Variants in FCF1 observed in about 807,000 individuals in gnomAD.
FCF1 encodes the protein FCF1 rRNA-processing protein.
Under a neutral mutation model 32.5 loss-of-function variants are expected in FCF1, and 17 were observed. The ratio of observed to expected loss-of-function variants is 0.52; its 90% confidence interval spans 0.36 to 0.78. The LOEUF (loss-of-function observed/expected upper bound fraction) is 0.78, where lower values mean the gene tolerates loss of function less well. Ranked by LOEUF, FCF1 falls within the 30% of genes least tolerant of loss-of-function variation. The pLI, the probability that FCF1 is intolerant of heterozygous loss-of-function variation, is 0.00. For synonymous variants in FCF1, 84 were observed against 78.4 expected (o/e 1.07, Z -0.38); for missense variants, 201 against 241.1 (o/e 0.83, Z 1.10).
intron 1 of FCF1, 46 bp downstream of exon 1, chr14:74,713,246 G>A: frequency 6.2e-6 from 10 of 1,614,134 alleles, no homozygotes; most frequent in Non-Finnish European, 7.6e-6. Flanking sequence ...GCCACTTTTT[G>A]GGTGGAGAAG....
chr14:74,717,860 T>C (rs1489847737), intron 4 of FCF1, among the ~76,000 whole-genome samples: 2 of 152,204 alleles, frequency 1.3e-5, no homozygotes, highest in African/African-American at 2.4e-5. Flanking sequence ...TTTAGTCTTA[T>C]GGCTTTCTTT....
At chr14:74,722,589 G>C (rs1160516606) in intron 4 of FCF1, among the ~76,000 whole-genome samples, 1 of 151,806 alleles carries the variant, frequency 6.6e-6, no homozygotes, top group Non-Finnish European at 1.5e-5. Context: ...TATGTGATCA[G>C]ATTTACATTA....
Position 74,719,509 on chromosome 14 carries a change from C to G in FCF1, c.292+3410C>G, listed in dbSNP as rs549885160. Among the ~76,000 whole-genome samples the G allele has an allele frequency of 5.9e-5, 9 of 151,924 alleles. No individual in the cohort carries two copies. In the South Asian group the frequency reaches 1.9e-3, roughly 32 times the overall value. On this transcript the variant is annotated intron_variant, in intron 4 of 7. Coordinates refer to ENST00000341162, the MANE Select transcript of FCF1 (RefSeq NM_015962.5). ...GGCATGGTGGCTCATGCCTGTAATC[C>G]CAACGCTTTGGGAGGCCAAGGTGGG...
chr14:74,718,236 A>T (rs895747720), intron 4 of FCF1, among the ~76,000 whole-genome samples: 1 of 152,090 alleles, frequency 6.6e-6, no homozygotes, highest in Admixed American at 6.6e-5. Context: ...TGATCTTTAC[A>T]TGGTTCCTGG....
chr14:74,726,786 G>A (rs545556623), intron 5 of FCF1, among the ~76,000 whole-genome samples: 14 of 150,728 alleles, frequency 9.3e-5, no homozygotes, highest in African/African-American at 2.9e-4. Flanking sequence ...GCCCCAGAGT[G>A]TGATGTTCCC....
At chr14:74,720,682 A>G (rs1026720790) in intron 4 of FCF1, among the ~76,000 whole-genome samples, 13 of 152,174 alleles carry the variant, frequency 8.5e-5, no homozygotes, top group African/African-American at 3.1e-4. Context: ...AGGTCTTGCT[A>G]TGTCATCCAA....
chr14:74,722,404 C>G (rs2090516918), intron 4 of FCF1, among the ~76,000 whole-genome samples: 1 of 152,112 alleles, frequency 6.6e-6, no homozygotes, highest in East Asian at 1.9e-4. Context: ...GCCACTCTTC[C>G]CAGTCTTTGG....
In FCF1 at chr14:74,734,878, T is replaced by C; in HGVS notation, c.549-4T>C. ...TACCGGTGTTGATTTTTTGTCCTGA[T>C]CAGATACAACATTGAACGGATGCCA... On this transcript the variant is annotated splice_region_variant and splice_polypyrimidine_tract_variant and intron_variant, in intron 7 of 7. Transcript: ENST00000341162. 1 of 1,613,546 alleles carries C rather than the reference T, an allele frequency of 6.2e-7. No homozygotes were observed. The highest frequency in any genetic ancestry group is 8.5e-7 in the Non-Finnish European group (1 of 1,179,524).
At position 74,735,606 on chromosome 14, in the gene FCF1, G is replaced by A. The variant is rs1442047222; in HGVS notation, c.*676G>A. ...TTTTCTTGAGATGAAGTTTTGCTCT[G>A]TCACCAGGCTGGAGTGCAGTGGCGT... On this transcript the variant is annotated 3_prime_UTR_variant, in exon 8 of 8. Transcript: ENST00000341162. 1.4e-5 allele frequency: 2 copies of A among 145,414 alleles called. No individual in the cohort carries two copies. Among genetic ancestry groups the A allele is most frequent in the Non-Finnish European group, 3.0e-5 (2 of 67,008 alleles). 9.0% of individuals were successfully genotyped at this position (145,414 alleles called of 1,614,324 possible).
In FCF1 at chr14:74,729,345, C is replaced by T. The variant is rs1353268499; in HGVS notation, c.366-3386C>T. ...TTTAGTCTTGGGAGAGTGTATGTGT[C>T]GAGGAATTTATCCATTTCTTCTAGA... is the stretch of plus-strand genomic sequence containing the variant. On this transcript the variant is annotated intron_variant, in intron 5 of 7. Coordinates refer to ENST00000341162, the MANE Select transcript of FCF1 (RefSeq NM_015962.5). 3.3e-5 allele frequency among the ~76,000 whole-genome samples: 5 copies of T among 151,918 alleles called. No homozygotes were observed. The South Asian group carries it at 6.3e-4, about 19-fold the overall frequency.
chr14:74,727,501 A>G (rs1198926175), intron 5 of FCF1, among the ~76,000 whole-genome samples: 1 of 151,986 alleles, frequency 6.6e-6, no homozygotes, highest in Non-Finnish European at 1.5e-5. Context: ...TAGATTCTGA[A>G]TATTAGCCCT....
chr14:74,733,014 C>G (rs997335488), intron 6 of FCF1, among the ~76,000 whole-genome samples, 196 bp downstream of exon 6: 6 of 152,156 alleles, frequency 3.9e-5, no homozygotes, highest in African/African-American at 7.2e-5. Flanking sequence ...AATGTACACT[C>G]TAACCATAAT....
At chr14:74,726,982 A>G (rs1458355473) in intron 5 of FCF1, among the ~76,000 whole-genome samples, 1 of 152,012 alleles carries the variant, frequency 6.6e-6, no homozygotes, top group African/African-American at 2.4e-5. Flanking sequence ...TATATGTGCC[A>G]CATTTTCTTA....
chr14:74,720,133 TA>T (rs1035408339), intron 4 of FCF1, among the ~76,000 whole-genome samples: 2 of 151,984 alleles, frequency 1.3e-5, no homozygotes, highest in African/African-American at 4.8e-5. Flanking sequence ...CTCAAAAAAA[TA>T]AAAAAAGAAA....
intron 5 of FCF1, among the ~76,000 whole-genome samples, chr14:74,728,179 A>G (rs2090596293): frequency 6.6e-6 from 1 of 152,198 alleles, no homozygotes; most frequent in South Asian, 2.1e-4. Flanking sequence ...TATTGAATCT[A>G]TAAATTACCT....
intron 5 of FCF1, among the ~76,000 whole-genome samples, chr14:74,728,377 G>A (rs972506655): frequency 1.4e-4 from 22 of 152,172 alleles, no homozygotes; most frequent in African/African-American, 5.3e-4. Flanking sequence ...TTGTGAATGG[G>A]AGTTCACTCA....
chr14:74,715,862 A>G lies in FCF1; in HGVS notation c.144-89A>G, dbSNP rs747547326. 3.1e-6 allele frequency: 5 copies of G among 1,611,020 alleles called. No individual in the cohort carries two copies. In the South Asian group the frequency reaches 4.4e-5, roughly 14 times the overall value. On this transcript the variant is annotated intron_variant, in intron 3 of 7. Coordinates refer to ENST00000341162, the MANE Select transcript of FCF1 (RefSeq NM_015962.5). ...ACATGGACAAAAGAGTTTACAGCAAACAGTCCCAAGCAGACTTCTTTTTTG... is the reference window on the plus strand; with the variant it reads ...ACATGGACAAAAGAGTTTACAGCAAGCAGTCCCAAGCAGACTTCTTTTTTG...
intron 4 of FCF1, among the ~76,000 whole-genome samples, chr14:74,719,472 T>A (rs551743191): frequency 6.6e-6 from 1 of 151,662 alleles, no homozygotes; most frequent in South Asian, 2.1e-4. Context: ...AAATTTTTTT[T>A]AAATCAAGCT....
At chr14:74,730,589 C>G (rs1231129977) in intron 5 of FCF1, among the ~76,000 whole-genome samples, 1 of 152,012 alleles carries the variant, frequency 6.6e-6, no homozygotes, top group Non-Finnish European at 1.5e-5. Context: ...TGGCAGGCAC[C>G]TATAATCCCA....
Sources: gnomAD v4.1 joint callset for allele counts (sites outside exome capture counted in the v4.1 genomes callset) on GRCh38, gnomAD v4.1.1 for gene constraint, MANE v1.5 for transcripts, NCBI Gene and HGNC (gene_info 2026-07-23, HGNC 2026-07-21) for gene names.